The following NRXN3 variants were observed in gnomAD, a reference collection of about 807,000 sequenced individuals.
NRXN3 encodes the protein neurexin III.
A neutral mutation model predicts 137.6 loss-of-function variants in NRXN3; 32 were observed. The observed-to-expected ratio is 0.23, with a 90% CI of 0.18 to 0.31. NRXN3 has a LOEUF of 0.31. Ranked by LOEUF, NRXN3 falls within the 10% of genes least tolerant of loss-of-function variation. The pLI is 1.00. For synonymous variants in NRXN3, 798 were observed against 784.5 expected (o/e 1.02, Z -0.29); for missense variants, 1,574 against 2,062.5 (o/e 0.76, Z 4.59).
chr14:78,241,365 C>A (rs2067059015), intron 1 of NRXN3, among the ~76,000 whole-genome samples: 1 of 152,170 alleles, frequency 6.6e-6, no homozygotes. Flanking sequence ...AGCTGTGGCT[C>A]ATGCCTGTAA....
In NRXN3 at chr14:78,920,706, C is replaced by T. The variant is rs532040946; in HGVS notation, c.2276-36536C>T. On this transcript the variant is annotated intron_variant, in intron 10 of 20. Transcript: ENST00000335750. ...AATTGGGGGTTCTCATGACCCCCTC[C>T]ACCCCTCAGTTTCCATAATTCAGTA... Among the ~76,000 whole-genome samples the T allele has an allele frequency of 1.3e-4, 20 of 152,292 alleles. No homozygotes were observed. In the East Asian group the frequency reaches 3.5e-3, roughly 27 times the overall value.
chr14:78,835,112 T>C (rs2098992748), intron 10 of NRXN3, among the ~76,000 whole-genome samples: 1 of 152,142 alleles, frequency 6.6e-6, no homozygotes, highest in African/African-American at 2.4e-5. Flanking sequence ...CTTTTTATCA[T>C]ATTATTGATC....
intron 15 of NRXN3, among the ~76,000 whole-genome samples, chr14:79,427,443 A>AACAC (rs368389192): frequency 6.6e-6 from 1 of 151,544 alleles, no homozygotes; most frequent in African/African-American, 2.4e-5. Flanking sequence ...CACACACACA[A>AACAC]ACACACACAC....
At chr14:79,188,894 A>C (rs1028792555) in intron 15 of NRXN3, among the ~76,000 whole-genome samples, 11 of 152,100 alleles carry the variant, frequency 7.2e-5, no homozygotes, top group African/African-American at 2.4e-4. Flanking sequence ...ACAACAGGTG[A>C]TGGAGAGGAT....
intron 8 of NRXN3, among the ~76,000 whole-genome samples, chr14:78,749,930 G>A (rs1206022888): frequency 2.0e-5 from 3 of 152,180 alleles, no homozygotes; most frequent in African/African-American, 7.2e-5. Context: ...CTGCAGATGT[G>A]AAACCCTCAA....
At chr14:78,795,938 C>A (rs1368488520) in intron 8 of NRXN3, among the ~76,000 whole-genome samples, 1 of 152,156 alleles carries the variant, frequency 6.6e-6, no homozygotes, top group African/African-American at 2.4e-5. Flanking sequence ...AGCTGCCATC[C>A]GCTAGCTCAC....
chr14:79,135,350 A>G (rs1399630445), intron 15 of NRXN3, among the ~76,000 whole-genome samples: 2 of 152,192 alleles, frequency 1.3e-5, no homozygotes, highest in African/African-American at 4.8e-5. Context: ...ATATAAATAT[A>G]TATATTTCAC....
chr14:78,195,352 A>G lies in NRXN3; in HGVS notation c.-704+24678A>G, dbSNP rs1041772264. 7.2e-5 allele frequency among the ~76,000 whole-genome samples: 11 copies of G among 152,142 alleles called. No individual in the cohort carries two copies. The East Asian group carries it at 2.1e-3, about 29-fold the overall frequency. ...GTTCGTTCATTCATTCATTCATTCA[A>G]TGTTTGTTGAGTGCCTAAGATGTAG... is the stretch of plus-strand genomic sequence containing the variant. On this transcript the variant is annotated intron_variant, in intron 1 of 20. Coordinates refer to ENST00000335750, the MANE Select transcript of NRXN3 (RefSeq NM_001330195.2).
chr14:78,290,439 A>G (rs1352778188), intron 3 of NRXN3, among the ~76,000 whole-genome samples: 1 of 152,162 alleles, frequency 6.6e-6, no homozygotes, highest in Non-Finnish European at 1.5e-5. Flanking sequence ...AAGTAGATTC[A>G]GGTTCACAGT....
chr14:78,903,938 A>G (rs2099206287), intron 10 of NRXN3, among the ~76,000 whole-genome samples: 1 of 151,986 alleles, frequency 6.6e-6, no homozygotes, highest in South Asian at 2.1e-4. Context: ...TTGTGATGTT[A>G]CCCATTTATA....
intron 16 of NRXN3, among the ~76,000 whole-genome samples, chr14:79,505,076 G>A (rs1466459366): frequency 1.3e-5 from 2 of 152,060 alleles, no homozygotes; most frequent in African/African-American, 2.4e-5. Flanking sequence ...TTAGCCAGGT[G>A]TGGTGGTGCA....
At chr14:79,479,121 T>A (rs183548939) in intron 16 of NRXN3, among the ~76,000 whole-genome samples, 2 of 152,326 alleles carry the variant, frequency 1.3e-5, no homozygotes, top group East Asian at 1.9e-4. Context: ...TAAATGGTTA[T>A]GAAATTATCT....
At chr14:78,632,491 C>T (rs536905704) in intron 4 of NRXN3, among the ~76,000 whole-genome samples, 2 of 152,142 alleles carry the variant, frequency 1.3e-5, no homozygotes, top group African/African-American at 4.8e-5. Flanking sequence ...ATACACAAAC[C>T]TAAATAGGAA....
chr14:78,802,584 T>A (rs1021421388), intron 8 of NRXN3, among the ~76,000 whole-genome samples: 1 of 152,194 alleles, frequency 6.6e-6, no homozygotes, highest in Admixed American at 6.5e-5. Context: ...AATAATAGAA[T>A]CACACTATAG....
At chr14:78,987,496 A>G (rs980461700) in intron 14 of NRXN3, among the ~76,000 whole-genome samples, 1 of 150,530 alleles carries the variant, frequency 6.6e-6, no homozygotes, top group Non-Finnish European at 1.5e-5. Context: ...AAAAACATCA[A>G]TACATGTTGG....
chr14:79,261,741 A>T (rs576949413), intron 15 of NRXN3, among the ~76,000 whole-genome samples: 2 of 152,086 alleles, frequency 1.3e-5, no homozygotes, highest in South Asian at 4.2e-4. Flanking sequence ...CTTTAGCACT[A>T]TGCACATATT....
chr14:79,414,432 T>C (rs2095467441), intron 15 of NRXN3, among the ~76,000 whole-genome samples: 1 of 152,152 alleles, frequency 6.6e-6, no homozygotes, highest in Admixed American at 6.6e-5. Context: ...AGTCCCACCT[T>C]TGAGATAAAT....
intron 4 of NRXN3, among the ~76,000 whole-genome samples, chr14:78,492,175 C>G (rs117241317): frequency 0.028 from 4,260 of 152,214 alleles, 84 homozygotes; most frequent in Non-Finnish European, 0.037. Flanking sequence ...CGCTTAAGAA[C>G]AGAGACTCCT....
At chr14:78,522,456 T>A (rs1478874989) in intron 4 of NRXN3, among the ~76,000 whole-genome samples, 5 of 152,190 alleles carry the variant, frequency 3.3e-5, no homozygotes, top group African/African-American at 1.2e-4. Context: ...TTTCTGTTAG[T>A]CTTTTCTATG....
Sources: allele counts gnomAD v4.1 joint callset (sites outside exome capture counted in the v4.1 genomes callset), GRCh38; gene constraint gnomAD v4.1.1; transcripts MANE v1.5; gene names NCBI Gene and HGNC (gene_info 2026-07-23, HGNC 2026-07-21).